The following MIPEP variants were observed in gnomAD, a reference collection of about 807,000 sequenced individuals.
The protein encoded by MIPEP is mitochondrial intermediate peptidase.
MIPEP carries 79 observed loss-of-function variants against 90.3 expected under a neutral mutation model. The observed-to-expected ratio is 0.87, with a 90% CI of 0.73 to 1.05. MIPEP has a LOEUF of 1.05. Ranked by LOEUF, MIPEP falls within the 50% of genes least tolerant of loss-of-function variation. The pLI is 0.00. For missense variants in MIPEP, 940 were observed against 905.6 expected, an observed-to-expected ratio of 1.04 and a Z score of -0.49; for synonymous variants, 334 against 315.8, an observed-to-expected ratio of 1.06 and a Z score of -0.61.
intron 18 of MIPEP, among the ~76,000 whole-genome samples, chr13:23,749,776 A>T (rs1041357469): frequency 6.6e-6 from 1 of 152,174 alleles, no homozygotes; most frequent in Non-Finnish European, 1.5e-5. Context: ...CTCCATGCCA[A>T]CATAAAACTG....
chr13:23,773,768 T>A (rs1952680675), intron 16 of MIPEP, among the ~76,000 whole-genome samples: 1 of 152,226 alleles, frequency 6.6e-6, no homozygotes, highest in African/African-American at 2.4e-5. Flanking sequence ...TGGAGAAATA[T>A]CTCTTCAAAC....
chr13:23,819,552 T>C (rs1953280884), intron 14 of MIPEP, among the ~76,000 whole-genome samples: 1 of 152,152 alleles, frequency 6.6e-6, no homozygotes, highest in Admixed American at 6.5e-5. Context: ...TTTGTTGCAA[T>C]TTTTTCTTCT....
intron 16 of MIPEP, among the ~76,000 whole-genome samples, chr13:23,784,170 G>A (rs1385955879): frequency 3.3e-5 from 5 of 152,036 alleles, no homozygotes; most frequent in South Asian, 2.1e-4. Context: ...AAAAGAGCCC[G>A]CATTGCCAAG....
chr13:23,798,877 TA>T (rs1384595855), intron 16 of MIPEP, among the ~76,000 whole-genome samples: 1 of 152,104 alleles, frequency 6.6e-6, no homozygotes, highest in Admixed American at 6.5e-5. Flanking sequence ...ACGAGCCAAT[TA>T]AACCTCTTTT....
chr13:23,808,734 A>T (rs1057120347), intron 15 of MIPEP, among the ~76,000 whole-genome samples: 2 of 152,236 alleles, frequency 1.3e-5, no homozygotes, highest in Non-Finnish European at 2.9e-5. Context: ...GAAATCCTTT[A>T]AAAATTATAT....
intron 18 of MIPEP, among the ~76,000 whole-genome samples, chr13:23,743,561 G>A (rs1352228857): frequency 6.6e-6 from 1 of 152,220 alleles, no homozygotes; most frequent in Non-Finnish European, 1.5e-5. Flanking sequence ...TCACATATGA[G>A]GCTCTCTCTG....
intron 10 of MIPEP, among the ~76,000 whole-genome samples, chr13:23,853,189 T>G (rs1260550910): frequency 6.6e-6 from 1 of 152,148 alleles, no homozygotes; most frequent in Non-Finnish European, 1.5e-5. Context: ...GTAGCCTAAG[T>G]GTACAGTGTC....
At chr13:23,819,445 C>T (rs536844915) in intron 14 of MIPEP, among the ~76,000 whole-genome samples, 1 of 152,286 alleles carries the variant, frequency 6.6e-6, no homozygotes, top group Admixed American at 6.5e-5. Flanking sequence ...GCCCACTCTT[C>T]TGCTATTGCC....
At chr13:23,739,024 A>G (rs1283552451) in intron 18 of MIPEP, among the ~76,000 whole-genome samples, 2 of 152,258 alleles carry the variant, frequency 1.3e-5, no homozygotes, top group Non-Finnish European at 2.9e-5. Context: ...ACTGGCAACT[A>G]TAACTTGAAA....
chr13:23,763,327 A>G (rs1391541173), intron 16 of MIPEP, among the ~76,000 whole-genome samples: 1 of 152,230 alleles, frequency 6.6e-6, no homozygotes, highest in African/African-American at 2.4e-5. Flanking sequence ...TGATACTCCA[A>G]CAAGATACGA....
intron 10 of MIPEP, among the ~76,000 whole-genome samples, chr13:23,854,182 A>G (rs1853928): frequency 0.92 from 134,323 of 145,228 alleles, 62,065 homozygotes; most frequent in East Asian, 1. Flanking sequence ...AAAATTAGCC[A>G]GGCTAATTTT....
At chr13:23,866,008 G>C in intron 7 of MIPEP, among the ~76,000 whole-genome samples, 1 of 152,006 alleles carries the variant, frequency 6.6e-6, no homozygotes, top group African/African-American at 2.4e-5. Flanking sequence ...GTCATATTAA[G>C]ATTCAGTTTG....
intron 16 of MIPEP, among the ~76,000 whole-genome samples, chr13:23,775,692 A>G (rs1952707799): frequency 6.6e-6 from 1 of 152,224 alleles, no homozygotes; most frequent in Non-Finnish European, 1.5e-5. Context: ...CAGCTACCAG[A>G]AATAAAAATA....
chr13:23,829,744 G>C (rs951380292), intron 14 of MIPEP, among the ~76,000 whole-genome samples: 5 of 151,794 alleles, frequency 3.3e-5, no homozygotes, highest in Non-Finnish European at 5.9e-5. Context: ...GAGTTTGAGG[G>C]GCCAGCCTGG....
At chr13:23,781,753 G>C (rs1294499436) in intron 16 of MIPEP, among the ~76,000 whole-genome samples, 1 of 152,166 alleles carries the variant, frequency 6.6e-6, no homozygotes, top group Admixed American at 6.5e-5. Context: ...TAAAGGGATG[G>C]AGGAAGATCT....
intron 6 of MIPEP, 40 bp from the exon 7 acceptor site, chr13:23,869,488 TCA>T: frequency 6.4e-7 from 1 of 1,553,836 alleles, no homozygotes; most frequent in East Asian, 2.3e-5. Flanking sequence ...ATAAATATCA[TCA>T]CACAGTCCTA....
rs534021163 is a variant in MIPEP at position 23,746,055 on chromosome 13, C to T, written c.2044+10490G>A. On this transcript the variant is annotated intron_variant, in intron 18 of 18. Coordinates refer to ENST00000382172, the MANE Select transcript of MIPEP (RefSeq NM_005932.4). ...TTGAGACAGCGTTTCACTCTTGTCA[C>T]CCAGGCTGGAGTGTAACGGCACAAT... Among the ~76,000 whole-genome samples the T allele has an allele frequency of 1.8e-3, 263 of 146,482 alleles. 1 individual carries two copies. The highest frequency in any genetic ancestry group is 3.4e-3 in the Non-Finnish European group (228 of 66,990).
intron 18 of MIPEP, among the ~76,000 whole-genome samples, chr13:23,749,356 GTTA>G (rs1274610344): frequency 6.6e-6 from 1 of 151,684 alleles, no homozygotes; most frequent in African/African-American, 2.4e-5. Flanking sequence ...TAGTAATCAG[GTTA>G]TTTTAAAAAA....
intron 10 of MIPEP, among the ~76,000 whole-genome samples, chr13:23,858,319 C>T (rs1399808142): frequency 1.3e-5 from 2 of 151,960 alleles, no homozygotes; most frequent in African/African-American, 4.8e-5. Flanking sequence ...CAGAGGAGTA[C>T]TTCTGTCAAC....
Sources: allele counts gnomAD v4.1 joint callset (sites outside exome capture counted in the v4.1 genomes callset), GRCh38; gene constraint gnomAD v4.1.1; transcripts MANE v1.5; gene names NCBI Gene and HGNC (gene_info 2026-07-23, HGNC 2026-07-21).